The following CHSY1 variants were observed in gnomAD, a reference collection of about 807,000 sequenced individuals.
CHSY1 encodes the protein N-acetylgalactosaminyl-proteoglycan 3-beta-glucuronosyltransferase 1.
In CHSY1, 13 loss-of-function variants were observed where a neutral mutation model predicts 59.8. The ratio of observed to expected loss-of-function variants is 0.22; its 90% CI spans 0.14 to 0.35. The LOEUF (loss-of-function observed/expected upper bound fraction) is 0.35, where lower values mean the gene tolerates loss of function less well. Among genes scored for constraint, CHSY1 ranks in the 10% least tolerant of loss-of-function variants. The probability of loss-of-function intolerance (pLI) is 1.00; values close to 1 mark genes in which losing one functional copy is unlikely to be tolerated. For missense variants in CHSY1, 947 were observed against 1,030.6 expected, an observed-to-expected ratio of 0.92 and a Z score of 1.11; for synonymous variants, 459 against 401.2, an observed-to-expected ratio of 1.14 and a Z score of -1.72.
chr15:101,237,807 T>C (rs542812321), intron 1 of CHSY1, among the ~76,000 whole-genome samples: 2 of 152,378 alleles, frequency 1.3e-5, no homozygotes, highest in African/African-American at 4.8e-5. Flanking sequence ...AAGAAAAATG[T>C]ATCGTGGAGA....
intron 2 of CHSY1, among the ~76,000 whole-genome samples, chr15:101,193,169 C>T (rs547112234): frequency 3.9e-5 from 6 of 152,322 alleles, no homozygotes; most frequent in Non-Finnish European, 7.3e-5. Context: ...AGCTCTCTCT[C>T]GGGCTGGTTC....
chr15:101,251,409 G>A lies in CHSY1; in HGVS notation c.48C>T (p.Leu16=), dbSNP rs762682745. 2.1e-5 allele frequency: 24 copies of A among 1,145,370 alleles called. No homozygotes were observed. In the South Asian group the frequency reaches 3.5e-4, roughly 17 times the overall value. The allele number at this position is 1,145,370 out of a possible 1,614,324, so 71.0% of individuals were successfully genotyped here. The change falls in exon 1 of 3, where the codon CTC becomes CTT. Residue 16 remains leucine, a synonymous_variant. Coordinates refer to ENST00000254190, the MANE Select transcript of CHSY1 (RefSeq NM_014918.5). Reference sequence around the variant, plus strand: ...GCGAGGCCAGCACGAAGCCCAGGACGAGCCCGAGCAGCACGCTGAGCCAGG... The same window carrying A: ...GCGAGGCCAGCACGAAGCCCAGGACAAGCCCGAGCAGCACGCTGAGCCAGG... ...RRAWLSVLLG[L]VLGFVLASRL...
intron 1 of CHSY1, among the ~76,000 whole-genome samples, chr15:101,236,275 G>C (rs895154859): frequency 2.6e-5 from 4 of 152,166 alleles, no homozygotes; most frequent in Non-Finnish European, 5.9e-5. Context: ...ATCTCATCTT[G>C]AATGATAGCT....
intron 1 of CHSY1, among the ~76,000 whole-genome samples, chr15:101,241,647 T>C (rs190508835): frequency 1.4e-4 from 22 of 152,024 alleles, no homozygotes; most frequent in African/African-American, 5.1e-4. Context: ...CTAGTTACCA[T>C]TAAAAAGGTG....
chr15:101,227,010 AACACTGACAAAAAT>A (rs770238446), intron 2 of CHSY1, among the ~76,000 whole-genome samples: 24 of 152,360 alleles, frequency 1.6e-4, no homozygotes, highest in Non-Finnish European at 3.4e-4. Context: ...AAGTAAAGCG[AACACTGACAAAAAT>A]GGGCAGAGGC....
At chr15:101,248,848 G>A (rs986742451) in intron 1 of CHSY1, among the ~76,000 whole-genome samples, 6 of 151,862 alleles carry the variant, frequency 4.0e-5, no homozygotes, top group African/African-American at 1.5e-4. Context: ...GCGCAGTGAC[G>A]CAATCTCGGG....
intron 2 of CHSY1, among the ~76,000 whole-genome samples, chr15:101,231,042 TAAC>T (rs2038887682): frequency 6.6e-6 from 1 of 152,174 alleles, no homozygotes; most frequent in Admixed American, 6.5e-5. Flanking sequence ...TGTGCCCAGA[TAAC>T]AATCCTTCCA....
chr15:101,222,889 G>A (rs1316597553), intron 2 of CHSY1, among the ~76,000 whole-genome samples: 1 of 152,200 alleles, frequency 6.6e-6, no homozygotes, highest in Non-Finnish European at 1.5e-5. Flanking sequence ...GAGTCACCCT[G>A]TCCCTCCACA....
rs1567112665 is a variant in CHSY1 at position 101,251,716 on chromosome 15, C to G, written c.-260G>C. The G allele has an allele frequency of 1.4e-5, 2 of 148,040 alleles. No individual in the cohort carries two copies. Among genetic ancestry groups the G allele is most frequent in the East Asian group, 4.0e-4 (2 of 5,060 alleles). 9.2% of individuals were successfully genotyped at this position (148,040 alleles called of 1,614,324 possible). ...GACCATGCCCGGCGCGCGCTAGCGG[C>G]GGCTCGGGCGCGAGGTGGCGGCGGC... On this transcript the variant is annotated 5_prime_UTR_variant, in exon 1 of 3. Transcript: ENST00000254190.
chr15:101,188,760 C>G (rs889042684), intron 2 of CHSY1, among the ~76,000 whole-genome samples: 1 of 152,158 alleles, frequency 6.6e-6, no homozygotes, highest in African/African-American at 2.4e-5. Context: ...CTGCATAAGA[C>G]TATAAGTAAA....
rs1555438019 is a variant in CHSY1, at chr15:101,251,479, G to GGCAGCCGCCGCCGCCGCC, written c.-24_-23insGGCGGCGGCGGCGGCTGC. 3 of 704,170 alleles carry GGCAGCCGCCGCCGCCGCC rather than the reference G, an allele frequency of 4.3e-6. No individual in the cohort carries two copies. The highest frequency in any genetic ancestry group is 5.2e-6 in the Non-Finnish European group (3 of 577,462). The allele number at this position is 704,170 out of a possible 1,614,324, so 43.6% of individuals were successfully genotyped here. On this transcript the variant is annotated 5_prime_UTR_variant, in exon 1 of 3. Coordinates refer to ENST00000254190, the MANE Select transcript of CHSY1 (RefSeq NM_014918.5). Reference sequence around the variant, plus strand: ...CATGCCCGCGCCGCTCCGCCCGCCGGGCCGCCGCCGCAGGCTCCGCGCGCC... The same window carrying GGCAGCCGCCGCCGCCGCC: ...CATGCCCGCGCCGCTCCGCCCGCCGGGCAGCCGCCGCCGCCGCCGCCGCCGCCGCAGGCTCCGCGCGCC...
At chr15:101,206,917 T>G (rs1357543446) in intron 2 of CHSY1, among the ~76,000 whole-genome samples, 1 of 152,180 alleles carries the variant, frequency 6.6e-6, no homozygotes, top group Non-Finnish European at 1.5e-5. Flanking sequence ...AAAAAGTCTC[T>G]CTCCCAGACC....
intron 2 of CHSY1, chr15:101,187,437 C>T (rs1178442349): frequency 6.6e-6 from 1 of 152,228 alleles, no homozygotes; most frequent in Non-Finnish European, 1.5e-5. Context: ...CCAGATGGCA[C>T]TACTGCACTC....
At chr15:101,249,099 G>A (rs139668133) in intron 1 of CHSY1, among the ~76,000 whole-genome samples, 2,282 of 151,624 alleles carry the variant, frequency 0.015, 37 homozygotes, top group Middle Eastern at 0.061. Flanking sequence ...CACCGCGCCC[G>A]GCCTGCATTA....
At chr15:101,241,275 G>C (rs950872194) in intron 1 of CHSY1, among the ~76,000 whole-genome samples, 7 of 152,158 alleles carry the variant, frequency 4.6e-5, no homozygotes, top group Non-Finnish European at 8.8e-5. Context: ...ACTTATAGTT[G>C]AGACAGGGTT....
chr15:101,182,789 T>A (rs953278337), intron 2 of CHSY1, among the ~76,000 whole-genome samples: 4 of 152,218 alleles, frequency 2.6e-5, no homozygotes, highest in Non-Finnish European at 5.9e-5. Context: ...ACACTAGTTT[T>A]AAAAGCCTCT....
In CHSY1 at chr15:101,251,569, A is replaced by G. The variant is rs1466459492; in HGVS notation, c.-113T>C. The G allele has an allele frequency of 6.7e-5, 10 of 149,212 alleles. No individual in the cohort carries two copies. Among genetic ancestry groups the G allele is most frequent in the African/African-American group, 2.6e-4 (10 of 39,034 alleles). 9.2% of individuals were successfully genotyped at this position (149,212 alleles called of 1,614,324 possible). On this transcript the variant is annotated 5_prime_UTR_variant, in exon 1 of 3. Coordinates refer to ENST00000254190, the MANE Select transcript of CHSY1 (RefSeq NM_014918.5). ...TAGCGCCGCGAGGCCCGGCCCGGGC[A>G]GCGCCGCCGCCGCCGCGGGCCCGCC...
At chr15:101,244,713 C>T (rs929725321) in intron 1 of CHSY1, among the ~76,000 whole-genome samples, 1 of 152,212 alleles carries the variant, frequency 6.6e-6, no homozygotes, top group South Asian at 2.1e-4. Context: ...ACTGGCCATA[C>T]TGTTTTACAG....
chr15:101,219,925 C>A (rs1262259947), intron 2 of CHSY1, among the ~76,000 whole-genome samples: 1 of 152,164 alleles, frequency 6.6e-6, no homozygotes, highest in Non-Finnish European at 1.5e-5. Context: ...TGCCACCACG[C>A]CCGGCTAATT....
Sources: gnomAD v4.1 joint callset for allele counts (sites outside exome capture counted in the v4.1 genomes callset) on GRCh38, gnomAD v4.1.1 for gene constraint, MANE v1.5 for transcripts, NCBI Gene and HGNC (gene_info 2026-07-23, HGNC 2026-07-21) for gene names.